TJP1: variants seen among roughly 807,000 people sequenced by gnomAD.
The protein encoded by TJP1 is tight junction protein 1.
TJP1 carries 43 observed loss-of-function variants against 194.2 expected under a neutral mutation model. The observed-to-expected ratio is 0.22, with a 90% CI of 0.17 to 0.29. The LOEUF (loss-of-function observed/expected upper bound fraction) is 0.29. Among genes scored for constraint, TJP1 ranks in the 10% least tolerant of loss-of-function variants. The pLI, the probability that TJP1 is intolerant of heterozygous loss-of-function variation, is 1.00. For missense variants in TJP1, 1,971 were observed against 2,185.7 expected, an observed-to-expected ratio of 0.90 and a Z score of 1.96; for synonymous variants, 801 against 779.0, an observed-to-expected ratio of 1.03 and a Z score of -0.47.
intron 1 of TJP1, among the ~76,000 whole-genome samples, chr15:29,963,341 G>A (rs4627281): frequency 0.27 from 41,622 of 151,796 alleles, 5,852 homozygotes; most frequent in East Asian, 0.39. Flanking sequence ...ATTGTCTTTT[G>A]AACCTTGATC....
At chr15:29,806,730 A>G (rs1595964569) in intron 1 of TJP1, among the ~76,000 whole-genome samples, 1 of 152,354 alleles carries the variant, frequency 6.6e-6, no homozygotes, top group East Asian at 1.9e-4. Flanking sequence ...CTGCCCTTCA[A>G]TGAAGTTTCA....
intron 2 of TJP1, among the ~76,000 whole-genome samples, chr15:29,873,587 T>C (rs2052599807): frequency 6.6e-6 from 1 of 152,194 alleles, no homozygotes; most frequent in South Asian, 2.1e-4. Context: ...TCAAGACAAT[T>C]TTTGCTATGC....
At chr15:29,704,936 G>A (rs191658940) in intron 26 of TJP1, among the ~76,000 whole-genome samples, 2 of 152,294 alleles carry the variant, frequency 1.3e-5, no homozygotes, top group Admixed American at 6.5e-5. Flanking sequence ...TGTTTAGGAA[G>A]TAAAAGCACT....
At chr15:29,966,285 CT>C (rs1475677058) in intron 1 of TJP1, among the ~76,000 whole-genome samples, 2 of 152,114 alleles carry the variant, frequency 1.3e-5, no homozygotes, top group Admixed American at 1.3e-4. Context: ...GGTGGATCAC[CT>C]AACGTCAGGA....
intron 1 of TJP1, among the ~76,000 whole-genome samples, chr15:29,964,383 TAAATTAA>T (rs1293220513): frequency 7.5e-6 from 1 of 133,878 alleles, no homozygotes; most frequent in Non-Finnish European, 1.6e-5. Context: ...TAATTTGAAA[TAAATTAA>T]AAATTAAAAG....
intron 1 of TJP1, among the ~76,000 whole-genome samples, chr15:29,818,760 C>G (rs1174962408): frequency 1.3e-5 from 2 of 150,960 alleles, no homozygotes; most frequent in Non-Finnish European, 2.9e-5. Context: ...TCGTGATCCG[C>G]CCCTCCTGGC....
At chr15:29,866,858 G>A (rs575987137) in intron 2 of TJP1, among the ~76,000 whole-genome samples, 147 of 152,252 alleles carry the variant, frequency 9.7e-4, no homozygotes, top group African/African-American at 3.3e-3. Flanking sequence ...TCCAGGGGCC[G>A]CCCTAACCTG....
chr15:29,947,090 T>C (rs1335936396), intron 2 of TJP1, among the ~76,000 whole-genome samples: 1 of 152,218 alleles, frequency 6.6e-6, no homozygotes, highest in African/African-American at 2.4e-5. Flanking sequence ...GGTCATTATT[T>C]TATGCAAATT....
chr15:29,801,466 T>A (rs55836324), intron 1 of TJP1, among the ~76,000 whole-genome samples: 17,542 of 146,462 alleles, frequency 0.12, 1,126 homozygotes, highest in African/African-American at 0.15. Context: ...AATTATTATT[T>A]TTTTTTTTTT....
chr15:29,790,776 A>G (rs965662848), intron 2 of TJP1, among the ~76,000 whole-genome samples: 1 of 136,148 alleles, frequency 7.3e-6, no homozygotes, highest in African/African-American at 2.8e-5. Flanking sequence ...TTTAGTTCCC[A>G]CGAGTGAGAA....
At chr15:29,827,605 CT>C (rs2050715843) in intron 2 of TJP1, among the ~76,000 whole-genome samples, 3 of 152,146 alleles carry the variant, frequency 2.0e-5, no homozygotes, top group African/African-American at 7.2e-5. Context: ...GTTAAATATT[CT>C]GAAATTTGCA....
Position 29,961,334 on chromosome 15 carries a change from C to CTTTTT in TJP1, c.174-4975_174-4971dup, listed in dbSNP as rs5811594. Reference sequence around the variant, plus strand: ...CAATGAGGTTTTACTTTTCCTAATTCTTTTTTTTTTTTTTTTTTTTTTTTT... The same window carrying CTTTTT: ...CAATGAGGTTTTACTTTTCCTAATTCTTTTTTTTTTTTTTTTTTTTTTTTTTTTTT... On this transcript the variant is annotated intron_variant, in intron 1 of 28. Coordinates refer to the TJP1 transcript ENST00000356107. Among the ~76,000 whole-genome samples, 212 of 89,820 alleles carry CTTTTT rather than the reference C, an allele frequency of 2.4e-3. 1 individual carries two copies. The highest frequency in any genetic ancestry group is 2.5e-3 in the Non-Finnish European group (131 of 51,540). The allele number at this position is 89,820 out of a possible 152,430, so 58.9% of individuals were successfully genotyped here.
chr15:29,961,190 C>T (rs956510374), intron 1 of TJP1, among the ~76,000 whole-genome samples: 18 of 152,150 alleles, frequency 1.2e-4, no homozygotes, highest in Middle Eastern at 3.4e-3. Flanking sequence ...CCTGATGGTG[C>T]AGATCTGAGC....
chr15:29,879,680 G>A (rs1423872237), intron 2 of TJP1, among the ~76,000 whole-genome samples: 2 of 151,520 alleles, frequency 1.3e-5, no homozygotes, highest in Non-Finnish European at 2.9e-5. Context: ...CATCAGGTGT[G>A]TGCACTTTCG....
intron 2 of TJP1, among the ~76,000 whole-genome samples, chr15:29,858,086 C>T (rs1286036913): frequency 1.3e-5 from 2 of 152,114 alleles, no homozygotes; most frequent in African/African-American, 4.8e-5. Context: ...ATTTCTTTAA[C>T]TCAGTAATTC....
intron 2 of TJP1, among the ~76,000 whole-genome samples, chr15:29,937,064 A>C (rs2054909277): frequency 6.6e-6 from 1 of 152,228 alleles, no homozygotes; most frequent in South Asian, 2.1e-4. Flanking sequence ...AAGTGTTATG[A>C]AATTTATAAG....
intron 2 of TJP1, 74 bp downstream of exon 2, chr15:29,800,572 G>T: frequency 6.8e-7 from 1 of 1,464,368 alleles, no homozygotes; most frequent in Non-Finnish European, 9.4e-7. Flanking sequence ...CTGACATCTG[G>T]CTTTCCTCTA....
chr15:29,891,921 A>G (rs2053323111), intron 2 of TJP1, among the ~76,000 whole-genome samples: 1 of 152,234 alleles, frequency 6.6e-6, no homozygotes, highest in East Asian at 1.9e-4. Context: ...TAAAAGGTCT[A>G]AGGGTTCAAG....
chr15:29,813,883 C>A (rs1283777181), intron 1 of TJP1, among the ~76,000 whole-genome samples: 2 of 152,226 alleles, frequency 1.3e-5, no homozygotes, highest in African/African-American at 2.4e-5. Flanking sequence ...CAACAAATAT[C>A]TGCTGAATGT....
Sources: gnomAD v4.1 joint callset for allele counts (sites outside exome capture counted in the v4.1 genomes callset) on GRCh38, gnomAD v4.1.1 for gene constraint, MANE v1.5 for transcripts, NCBI Gene and HGNC (gene_info 2026-07-23, HGNC 2026-07-21) for gene names.